The following GTF2F2 variants were observed in gnomAD, a reference collection of about 807,000 sequenced individuals.
GTF2F2 encodes the protein ATP-dependent helicase GTF2F2.
Under a neutral mutation model 42.2 loss-of-function variants are expected in GTF2F2, and 23 were observed. That is an observed-to-expected ratio of 0.55 (90% CI 0.39 to 0.77). GTF2F2 has a LOEUF of 0.77. GTF2F2 is among the 30% of genes least tolerant of loss of function. GTF2F2 has a pLI of 0.00. For missense variants in GTF2F2, 261 were observed against 287.2 expected (o/e 0.91, Z 0.66); for synonymous variants, 105 against 100.8 (o/e 1.04, Z -0.25).
chr13:45,137,794 G>A (rs2138102298), intron 2 of GTF2F2, among the ~76,000 whole-genome samples: 1 of 152,280 alleles, frequency 6.6e-6, no homozygotes, highest in Admixed American at 6.5e-5. Context: ...TGGGAAAACA[G>A]ACTCCACCTT....
At position 45,207,965 on chromosome 13, in the gene GTF2F2, T is replaced by A. The variant is rs1046719769; in HGVS notation, c.386+460T>A. Among the ~76,000 whole-genome samples the A allele has an allele frequency of 1.1e-4, 17 of 152,144 alleles. No individual in the cohort carries two copies. The Middle Eastern group carries it at 0.01, about 91-fold the overall frequency. ...CAAGCCCAGGAGTTTGAGACCAACC[T>A]GGGCAACATGGTGATATCCTATCTC... On this transcript the variant is annotated intron_variant, in intron 5 of 7. Coordinates refer to ENST00000340473, the MANE Select transcript of GTF2F2 (RefSeq NM_004128.3).
chr13:45,256,316 T>C (rs1483724488), intron 6 of GTF2F2, among the ~76,000 whole-genome samples: 1 of 152,154 alleles, frequency 6.6e-6, no homozygotes, highest in Non-Finnish European at 1.5e-5. Context: ...TTTAAACAAG[T>C]ACTTTTTAAA....
intron 4 of GTF2F2, 81 bp downstream of exon 4, chr13:45,151,912 T>G (rs1237969193): frequency 7.5e-6 from 1 of 133,832 alleles, no homozygotes. Context: ...TCCTATTTGC[T>G]TTTTTTTTTT....
intron 4 of GTF2F2, among the ~76,000 whole-genome samples, chr13:45,177,530 T>C (rs1020224770): frequency 2.0e-5 from 3 of 152,194 alleles, no homozygotes; most frequent in African/African-American, 7.2e-5. Flanking sequence ...CTGTATATGC[T>C]ACCTGCCCAT....
Position 45,128,695 on chromosome 13 carries a change from A to G in GTF2F2, c.66+7974A>G, listed in dbSNP as rs946445295. On this transcript the variant is annotated intron_variant, in intron 1 of 7. Transcript: ENST00000340473. ...TGTAGCCTCCAACTCCTGGGCTCAAACGATCCTTCTGCCTCAACCTCCCAA... is the reference window on the plus strand; with the variant it reads ...TGTAGCCTCCAACTCCTGGGCTCAAGCGATCCTTCTGCCTCAACCTCCCAA... Among the ~76,000 whole-genome samples, 3 of 152,082 alleles carry G rather than the reference A, an allele frequency of 2.0e-5. No individual in the cohort carries two copies. The East Asian group carries it at 5.9e-4, about 30-fold the overall frequency.
At chr13:45,134,459 AG>A (rs1185831690) in intron 1 of GTF2F2, among the ~76,000 whole-genome samples, 1 of 152,150 alleles carries the variant, frequency 6.6e-6, no homozygotes, top group Non-Finnish European at 1.5e-5. Context: ...AAGAGTCCTG[AG>A]GGCATCATTT....
chr13:45,152,414 C>T (rs1457254008), intron 4 of GTF2F2, among the ~76,000 whole-genome samples: 1 of 152,182 alleles, frequency 6.6e-6, no homozygotes, highest in African/African-American at 2.4e-5. Context: ...TGTGGTTCAT[C>T]AAGCTGCCTT....
chr13:45,157,793 G>A (rs1870835372), intron 4 of GTF2F2, among the ~76,000 whole-genome samples: 1 of 151,834 alleles, frequency 6.6e-6, no homozygotes, highest in Non-Finnish European at 1.5e-5. Flanking sequence ...ATGTTTCCCA[G>A]GCTGGTCTCG....
At chr13:45,212,014 A>G (rs1485795390) in intron 5 of GTF2F2, among the ~76,000 whole-genome samples, 3 of 152,120 alleles carry the variant, frequency 2.0e-5, no homozygotes, top group Non-Finnish European at 4.4e-5. Flanking sequence ...GCACACACAC[A>G]GTTACCCTAC....
chr13:45,168,905 CTCCTCCT>C (rs1369582999), intron 4 of GTF2F2, among the ~76,000 whole-genome samples: 74 of 560 alleles, frequency 0.13, 3 homozygotes, highest in African/African-American at 0.33. Flanking sequence ...CCCTCCCTCC[CTCCTCCT>C]TCCTTCCCTC....
intron 4 of GTF2F2, among the ~76,000 whole-genome samples, chr13:45,198,163 C>T: frequency 6.6e-6 from 1 of 152,204 alleles, no homozygotes; most frequent in East Asian, 1.9e-4. Context: ...TAAACTCTGG[C>T]AGAACCTTCC....
rs975786979 is a variant in GTF2F2 at position 45,215,410 on chromosome 13, T to C, written c.386+7905T>C. Among the ~76,000 whole-genome samples, 24 of 152,324 alleles carry C rather than the reference T, an allele frequency of 1.6e-4. No homozygotes were observed. In the South Asian group the frequency reaches 2.5e-3, roughly 16 times the overall value. On this transcript the variant is annotated intron_variant, in intron 5 of 7. Transcript: ENST00000340473. The stretch of plus-strand genomic sequence containing the variant: ...TGTAATAAAAGTATAAAAATACCTT[T>C]GGAATAAAACTATAACAGAAAACTA...
At chr13:45,167,125 G>A (rs1425178368) in intron 4 of GTF2F2, among the ~76,000 whole-genome samples, 2 of 147,750 alleles carry the variant, frequency 1.4e-5, no homozygotes, top group African/African-American at 5.0e-5. Context: ...CTTCGTGTAT[G>A]TGTATCAGCC....
intron 5 of GTF2F2, among the ~76,000 whole-genome samples, chr13:45,209,197 G>A (rs1433160473): frequency 6.6e-6 from 1 of 152,160 alleles, no homozygotes; most frequent in Non-Finnish European, 1.5e-5. Flanking sequence ...AAGGACATTT[G>A]GTGGTCTCAT....
At chr13:45,152,411 C>T (rs962677452) in intron 4 of GTF2F2, among the ~76,000 whole-genome samples, 2 of 152,168 alleles carry the variant, frequency 1.3e-5, no homozygotes, top group African/African-American at 4.8e-5. Context: ...GAATGTGGTT[C>T]ATCAAGCTGC....
chr13:45,155,996 G>C (rs1183521866), intron 4 of GTF2F2, among the ~76,000 whole-genome samples: 1 of 151,200 alleles, frequency 6.6e-6, no homozygotes, highest in African/African-American at 2.4e-5. Flanking sequence ...TTTAGAGGCA[G>C]TGTCTCACTG....
chr13:45,121,175 G>A (rs1251486087), intron 1 of GTF2F2, among the ~76,000 whole-genome samples: 1 of 152,192 alleles, frequency 6.6e-6, no homozygotes, highest in Non-Finnish European at 1.5e-5. Context: ...TTAGGTTGAT[G>A]GTCCTTAATG....
intron 5 of GTF2F2, among the ~76,000 whole-genome samples, chr13:45,243,983 A>G (rs1593514310): frequency 6.6e-6 from 1 of 152,328 alleles, no homozygotes; most frequent in East Asian, 1.9e-4. Context: ...TTTTAAACAA[A>G]TATTTTCTAT....
chr13:45,233,821 G>A lies in GTF2F2; in HGVS notation c.387-19050G>A, dbSNP rs529186797. Among the ~76,000 whole-genome samples, 6 of 152,238 alleles carry A rather than the reference G, an allele frequency of 3.9e-5. No homozygotes were observed. The South Asian group carries it at 1.2e-3, about 32-fold the overall frequency. ...CCAGCTACTCAAGAGGCTGAGGTGG[G>A]AGGATCACTTGAGCCCAGGAGGCCG... On this transcript the variant is annotated intron_variant, in intron 5 of 7. Coordinates refer to ENST00000340473, the MANE Select transcript of GTF2F2 (RefSeq NM_004128.3).
Sources: gnomAD v4.1 joint callset for allele counts (sites outside exome capture counted in the v4.1 genomes callset) on GRCh38, gnomAD v4.1.1 for gene constraint, MANE v1.5 for transcripts, NCBI Gene and HGNC (gene_info 2026-07-23, HGNC 2026-07-21) for gene names.